PSMF1: variants seen among roughly 807,000 people sequenced by gnomAD.
The protein encoded by PSMF1 is proteasome inhibitor subunit 1, also known as proteasome inhibitor PI31 subunit.
PSMF1 carries 30 observed loss-of-function variants against 29.3 expected under a neutral mutation model. The ratio of observed to expected loss-of-function variants is 1.02; its 90% confidence interval spans 0.77 to 1.39. The LOEUF (loss-of-function observed/expected upper bound fraction) is 1.39. PSMF1 is among the 40% of genes most tolerant of loss of function. The probability of loss-of-function intolerance (pLI) is 0.00; values close to 1 mark genes in which losing one functional copy is unlikely to be tolerated. For missense variants in PSMF1, 344 were observed against 357.5 expected, an observed-to-expected ratio of 0.96 and a Z score of 0.31; for synonymous variants, 134 against 139.7, an observed-to-expected ratio of 0.96 and a Z score of 0.29.
At chr20:1,148,108 C>T (rs972445849) in intron 4 of PSMF1, among the ~76,000 whole-genome samples, 5 of 152,104 alleles carry the variant, frequency 3.3e-5, no homozygotes, top group Middle Eastern at 3.2e-3. Context: ...TGCCCTAGAG[C>T]GTAAAGAGAC....
At chr20:1,134,199 C>A (rs1016897462) in intron 3 of PSMF1, among the ~76,000 whole-genome samples, 1 of 151,674 alleles carries the variant, frequency 6.6e-6, no homozygotes, top group Non-Finnish European at 1.5e-5. Flanking sequence ...GAATTCCTTC[C>A]TCTATTTTGA....
At position 1,166,336 on chromosome 20, in the gene PSMF1, C is replaced by T. The variant is rs1426189892; in HGVS notation, c.*1256C>T. The T allele has an allele frequency of 2.9e-6, 4 of 1,359,358 alleles. No homozygotes were observed. Among genetic ancestry groups the T allele is most frequent in the Non-Finnish European group, 3.1e-6 (3 of 961,784 alleles). 84.2% of individuals were successfully genotyped at this position (1,359,358 alleles called of 1,614,324 possible). ...GATCAAGGCGGTAGTCACTTCCGCT[C>T]TGCAGCTAGCATTTCAACCATATGT... On this transcript the variant is annotated 3_prime_UTR_variant, in exon 7 of 7. Transcript: ENST00000335877.
chr20:1,144,789 GTTA>G (rs1482623795), intron 4 of PSMF1, among the ~76,000 whole-genome samples: 1 of 152,198 alleles, frequency 6.6e-6, no homozygotes, highest in Non-Finnish European at 1.5e-5. Flanking sequence ...TGTAGGTGTG[GTTA>G]TTAAGGGGAG....
chr20:1,113,811 G>T (rs996005225), upstream of PSMF1, among the ~76,000 whole-genome samples: 3 of 152,108 alleles, frequency 2.0e-5, no homozygotes, highest in Admixed American at 6.5e-5. Flanking sequence ...TCCTGCCTCA[G>T]CCTCCGAGTA....
At chr20:1,125,773 C>T (rs1181199957) in intron 2 of PSMF1, 123 bp downstream of exon 2, 9 of 1,283,042 alleles carry the variant, frequency 7.0e-6, no homozygotes, top group African/African-American at 1.5e-5. Flanking sequence ...AGTGATCCCA[C>T]TTCTGGAACT....
In PSMF1 at chr20:1,135,227, T is replaced by A. The variant is rs146612629; in HGVS notation, c.472T>A (p.Phe158Ile). The A allele has an allele frequency of 3.2e-4, 509 of 1,613,638 alleles. No individual in the cohort carries two copies. Among genetic ancestry groups the A allele is most frequent in the Admixed American group, 7.3e-4 (44 of 59,970 alleles). The change falls in exon 4 of 7, where the codon TTC (phenylalanine) becomes ATC (isoleucine). Residue 158 changes from phenylalanine (F) to isoleucine (I), a missense_variant. Transcript: ENST00000335877. ...KANVSSPHRE[F>I]PPATAREVDP... Reference sequence around the variant, plus strand: ...TAATGTAAGCAGTCCCCACCGGGAGTTCCCCCCTGCTACCGCCAGAGAGGT... The same window carrying A: ...TAATGTAAGCAGTCCCCACCGGGAGATCCCCCCTGCTACCGCCAGAGAGGT...
chr20:1,126,752 G>A (rs1376475606), intron 2 of PSMF1, among the ~76,000 whole-genome samples: 1 of 152,044 alleles, frequency 6.6e-6, no homozygotes, highest in Non-Finnish European at 1.5e-5. Context: ...GGTCGTGGGT[G>A]CCTGTAATCC....
chr20:1,168,056 G>A lies in PSMF1; in HGVS notation c.*2976G>A, dbSNP rs2086752478. ...TTAGCGTGAAGTAGCATCTCATTGT[G>A]GTCTTCTCTTCCATTTTTTAAAAAA... On this transcript the variant is annotated 3_prime_UTR_variant, in exon 7 of 7. Transcript: ENST00000335877. 1 of 152,168 alleles carries A rather than the reference G, an allele frequency of 6.6e-6. No homozygotes were observed. Among genetic ancestry groups the A allele is most frequent in the South Asian group, 2.1e-4 (1 of 4,828 alleles). The allele number at this position is 152,168 out of a possible 1,614,324, so 9.4% of individuals were successfully genotyped here.
At chr20:1,129,821 G>A (rs1471361491) in intron 3 of PSMF1, among the ~76,000 whole-genome samples, 1 of 152,144 alleles carries the variant, frequency 6.6e-6, no homozygotes, top group East Asian at 1.9e-4. Flanking sequence ...CCACTTCCGG[G>A]CATATACCCA....
At chr20:1,136,729 G>T (rs1411944741) in intron 4 of PSMF1, among the ~76,000 whole-genome samples, 2 of 152,156 alleles carry the variant, frequency 1.3e-5, no homozygotes, top group Non-Finnish European at 2.9e-5. Context: ...AGTGACAAAG[G>T]CTGTTGTATA....
intron 4 of PSMF1, among the ~76,000 whole-genome samples, chr20:1,147,585 C>T (rs532389661): frequency 2.6e-5 from 4 of 152,298 alleles, no homozygotes; most frequent in African/African-American, 9.6e-5. Flanking sequence ...AGGCACTGAA[C>T]TGGAGAGATG....
chr20:1,126,113 A>C (rs1227539753), intron 2 of PSMF1, among the ~76,000 whole-genome samples: 1 of 152,120 alleles, frequency 6.6e-6, no homozygotes, highest in African/African-American at 2.4e-5. Flanking sequence ...TTCCTCAAAA[A>C]TTTCAGTTCT....
rs374352660 is a variant in PSMF1, at chr20:1,125,644, T to C, written c.276T>C (p.Asn92=). The part of the protein sequence containing the change: ...AITVESSMIL[N]VLEYGSQQVA... ...CCGTGGAGAGCAGCATGATCCTCAA[T>C]GTGCTGGTGAGTCTCTGGGACACGT... Residue 92 remains asparagine, a synonymous_variant, in exon 2 of 7, where the codon AAT becomes AAC. Coordinates refer to ENST00000335877, the MANE Select transcript of PSMF1 (RefSeq NM_006814.5). The C allele has an allele frequency of 4.3e-6, 7 of 1,610,898 alleles. No individual in the cohort carries two copies. The African/African-American group carries it at 6.7e-5, about 15-fold the overall frequency.
intron 4 of PSMF1, among the ~76,000 whole-genome samples, chr20:1,141,340 A>G (rs150562352): frequency 3.1e-4 from 47 of 152,346 alleles, no homozygotes; most frequent in African/African-American, 9.6e-4. Context: ...ATCTCAATAA[A>G]GCTATAAAAA....
At chr20:1,113,403 G>A (rs1455437802) in exon 1 of PSMF1, 1 of 149,558 alleles carries the variant, frequency 6.7e-6, no homozygotes. Context: ...GACTCTTGCT[G>A]ATGTAGGTAA....
At chr20:1,122,463 ATTTTT>A (rs553475382) in intron 1 of PSMF1, among the ~76,000 whole-genome samples, 2 of 151,076 alleles carry the variant, frequency 1.3e-5, no homozygotes, top group Admixed American at 1.3e-4. Flanking sequence ...TGCCTGGCTA[ATTTTT>A]TTTGTATTTT....
intron 4 of PSMF1, among the ~76,000 whole-genome samples, chr20:1,151,426 A>G (rs1300706948): frequency 6.6e-6 from 1 of 152,242 alleles, no homozygotes; most frequent in Non-Finnish European, 1.5e-5. Context: ...CTCATTTAAT[A>G]TGTATAACAA....
intron 4 of PSMF1, among the ~76,000 whole-genome samples, chr20:1,141,447 G>A (rs2086378685): frequency 1.3e-5 from 2 of 152,104 alleles, no homozygotes; most frequent in South Asian, 2.1e-4. Flanking sequence ...TAGTCCAAGA[G>A]AATTGATAAT....
At chr20:1,128,030 T>C (rs550477846) in intron 3 of PSMF1, among the ~76,000 whole-genome samples, 2 of 152,272 alleles carry the variant, frequency 1.3e-5, no homozygotes, top group African/African-American at 4.8e-5. Flanking sequence ...ACATCATTAT[T>C]AGGGCTCAAG....
Sources: allele counts gnomAD v4.1 joint callset (sites outside exome capture counted in the v4.1 genomes callset), GRCh38; gene constraint gnomAD v4.1.1; transcripts MANE v1.5; gene names NCBI Gene and HGNC (gene_info 2026-07-23, HGNC 2026-07-21).